Variants in MICAL3 observed in about 807,000 individuals in gnomAD.
MICAL3 encodes the protein microtubule associated monooxygenase, calponin and LIM domain containing 3.
Under a neutral mutation model 207.4 loss-of-function variants are expected in MICAL3, and 62 were observed. The observed-to-expected ratio is 0.30, with a 90% CI of 0.24 to 0.37. The LOEUF is 0.37. MICAL3 is among the 10% of genes least tolerant of loss of function. The pLI is 1.00. For synonymous variants in MICAL3, 1,077 were observed against 1,069.3 expected (o/e 1.01, Z -0.14); for missense variants, 2,368 against 2,635.6 (o/e 0.90, Z 2.22).
chr22:17,803,966 G>C (rs935639820), intron 29 of MICAL3: 8 of 443,668 alleles, frequency 1.8e-5, no homozygotes, highest in Non-Finnish European at 2.4e-5. Context: ...GATATGGAGC[G>C]CAAGAAACAC....
chr22:17,943,290 G>C (rs1027185661), intron 1 of MICAL3, among the ~76,000 whole-genome samples: 2 of 152,152 alleles, frequency 1.3e-5, no homozygotes, highest in African/African-American at 2.4e-5. Context: ...CGCCTCCCGA[G>C]TAGCTGGGAT....
rs139997150 is a variant in MICAL3, at chr22:17,794,945, G to T, written c.5651-3644C>A. Among the ~76,000 whole-genome samples the T allele has an allele frequency of 4.0e-3, 616 of 152,334 alleles. 5 individuals are homozygous for T. Among genetic ancestry groups the T allele is most frequent in the African/African-American group, 0.014 (582 of 41,560 alleles). Reference sequence around the variant, plus strand: ...GGGAGGGCAGTGTGTGGTTTACAGAGAGAACAGGGTTGAAGAAATGGCCTT... The same window carrying T: ...GGGAGGGCAGTGTGTGGTTTACAGATAGAACAGGGTTGAAGAAATGGCCTT... On this transcript the variant is annotated intron_variant, in intron 29 of 31. Transcript: ENST00000441493.
chr22:17,979,636 G>A (rs761346976), intron 1 of MICAL3, among the ~76,000 whole-genome samples: 6 of 152,026 alleles, frequency 3.9e-5, no homozygotes, highest in African/African-American at 7.2e-5. Context: ...GGCATCCAGC[G>A]CCTTCTACAA....
chr22:18,015,776 C>T (rs963585997), intron 1 of MICAL3, among the ~76,000 whole-genome samples: 1 of 152,120 alleles, frequency 6.6e-6, no homozygotes, highest in Non-Finnish European at 1.5e-5. Context: ...TTGCTATGTT[C>T]TATTCGCTAT....
chr22:17,943,876 T>TG (rs1933925586), intron 1 of MICAL3, among the ~76,000 whole-genome samples: 1 of 152,198 alleles, frequency 6.6e-6, no homozygotes, highest in African/African-American at 2.4e-5. Flanking sequence ...AGGTGAGAGA[T>TG]GGAGTTTTTC....
chr22:17,849,688 ATTT>A (rs57344653), intron 19 of MICAL3, among the ~76,000 whole-genome samples: 436 of 36,258 alleles, frequency 0.012, 5 homozygotes, highest in African/African-American at 0.047. Context: ...GTGTGTGTGT[ATTT>A]TTTTTTTTTT....
intron 1 of MICAL3, among the ~76,000 whole-genome samples, chr22:17,929,948 T>C (rs1569136663): frequency 6.6e-6 from 1 of 152,156 alleles, no homozygotes; most frequent in Non-Finnish European, 1.5e-5. Flanking sequence ...ATATCTGGAA[T>C]GTAGAAAAAT....
At chr22:17,867,310 A>C (rs919274865) in intron 17 of MICAL3, among the ~76,000 whole-genome samples, 2 of 152,222 alleles carry the variant, frequency 1.3e-5, no homozygotes, top group Non-Finnish European at 2.9e-5. Context: ...CTGACAGCCA[A>C]AAGTCCGCCA....
chr22:18,005,122 T>TG (rs1380033635), intron 1 of MICAL3: 1 of 151,660 alleles, frequency 6.6e-6, no homozygotes, highest in Non-Finnish European at 1.5e-5. Flanking sequence ...TTAGTAGAGA[T>TG]GGGGGTTTCG....
chr22:17,840,591 T>TAA (rs1209321811), intron 20 of MICAL3: 2 of 152,222 alleles, frequency 1.3e-5, no homozygotes, highest in African/African-American at 4.8e-5. Flanking sequence ...TCACAATTTA[T>TAA]AAATTACAGT....
At chr22:17,950,403 G>A (rs7287342) in intron 1 of MICAL3, among the ~76,000 whole-genome samples, 9,359 of 116,262 alleles carry the variant, frequency 0.08, 526 homozygotes, top group African/African-American at 0.17. Flanking sequence ...GAGCGCAATT[G>A]ATCCTGGTTC....
At chr22:17,907,344 C>T (rs5992130) in intron 1 of MICAL3, among the ~76,000 whole-genome samples, 2,822 of 152,202 alleles carry the variant, frequency 0.019, 81 homozygotes, top group African/African-American at 0.059. Context: ...CTGAGTGACT[C>T]GTACAGATCA....
At chr22:17,873,244 A>AC (rs979688997) in intron 16 of MICAL3, among the ~76,000 whole-genome samples, 2 of 152,046 alleles carry the variant, frequency 1.3e-5, no homozygotes, top group Admixed American at 6.5e-5. Flanking sequence ...CTCGAGGGGC[A>AC]CCCCCATGCA....
rs1020259457 is a variant in MICAL3 at position 18,023,348 on chromosome 22, A to G, written c.-75+933T>C. Among the ~76,000 whole-genome samples, 3 of 152,184 alleles carry G rather than the reference A, an allele frequency of 2.0e-5. No individual in the cohort carries two copies. In the East Asian group the frequency reaches 5.8e-4, roughly 29 times the overall value. The stretch of plus-strand genomic sequence containing the variant: ...TAGCAGGATTTCTAAAAATCTCCCC[A>G]GCAGCCAGGCCTGAGAGCTAATGAA... On this transcript the variant is annotated intron_variant, in intron 1 of 31. Transcript: ENST00000441493.
chr22:18,022,530 G>C (rs1001301190), intron 1 of MICAL3, among the ~76,000 whole-genome samples: 1 of 151,934 alleles, frequency 6.6e-6, no homozygotes, highest in East Asian at 1.9e-4. Flanking sequence ...CCTGGCTCAA[G>C]CTATTCTCAT....
At chr22:17,908,627 G>A (rs769385198) in intron 1 of MICAL3, among the ~76,000 whole-genome samples, 1 of 152,118 alleles carries the variant, frequency 6.6e-6, no homozygotes, top group Non-Finnish European at 1.5e-5. Flanking sequence ...GTTCTCCAAG[G>A]CTACTGCTGA....
chr22:17,960,708 C>A (rs1934869336), intron 1 of MICAL3, among the ~76,000 whole-genome samples: 1 of 152,050 alleles, frequency 6.6e-6, no homozygotes, highest in African/African-American at 2.4e-5. Context: ...GGGAAGGAGG[C>A]AGATTTGGAA....
At chr22:17,964,317 T>C (rs930830610) in intron 1 of MICAL3, among the ~76,000 whole-genome samples, 2 of 152,216 alleles carry the variant, frequency 1.3e-5, no homozygotes, top group African/African-American at 2.4e-5. Flanking sequence ...CATTCTTACC[T>C]TATATGATTG....
rs574476938 is a variant in MICAL3, at chr22:17,870,774, A to G, written c.2428+1063T>C. On this transcript the variant is annotated intron_variant, in intron 17 of 31. Coordinates refer to ENST00000441493, the MANE Select transcript of MICAL3 (RefSeq NM_015241.3). ...ATCTAAACAGCGTCCTAATTCTTTCATTCTTCCCCGACTCGGGAGTGCTTT... is the reference window on the plus strand; with the variant it reads ...ATCTAAACAGCGTCCTAATTCTTTCGTTCTTCCCCGACTCGGGAGTGCTTT... 1.1e-3 allele frequency among the ~76,000 whole-genome samples: 163 copies of G among 152,190 alleles called. 1 individual carries two copies. The highest frequency in any genetic ancestry group is 3.8e-3 in the African/African-American group (159 of 41,508).
Sources: allele counts gnomAD v4.1 joint callset (sites outside exome capture counted in the v4.1 genomes callset), GRCh38; gene constraint gnomAD v4.1.1; transcripts MANE v1.5; gene names NCBI Gene and HGNC (gene_info 2026-07-23, HGNC 2026-07-21).